MYT1: variants seen among roughly 807,000 people sequenced by gnomAD.
MYT1 encodes the protein myelin transcription factor I.
In MYT1, 23 loss-of-function variants were observed where a neutral mutation model predicts 123.0. The ratio of observed to expected loss-of-function variants is 0.19; its 90% CI spans 0.13 to 0.26. The LOEUF (loss-of-function observed/expected upper bound fraction) is 0.26, where lower values mean the gene tolerates loss of function less well. MYT1 is among the 10% of genes least tolerant of loss of function. MYT1 has a pLI of 1.00. For synonymous variants in MYT1, 518 were observed against 575.3 expected, an observed-to-expected ratio of 0.90 and a Z score of 1.43; for missense variants, 1,125 against 1,472.5, an observed-to-expected ratio of 0.76 and a Z score of 3.86.
At chr20:64,195,492 T>C (rs968202063) in intron 2 of MYT1, among the ~76,000 whole-genome samples, 2 of 148,446 alleles carry the variant, frequency 1.3e-5, no homozygotes, top group African/African-American at 5.0e-5. Flanking sequence ...ACCTCCTGGG[T>C]TCAAGTGATC....
At chr20:64,178,107 A>C (rs938395585) in intron 1 of MYT1, among the ~76,000 whole-genome samples, 2 of 152,206 alleles carry the variant, frequency 1.3e-5, no homozygotes, top group African/African-American at 4.8e-5. Context: ...CTCTCTTCAC[A>C]GAGGCCTCCA....
rs1347323880 is a variant in MYT1, at chr20:64,167,006, T to G, written c.-99+2267T>G. On this transcript the variant is annotated intron_variant, in intron 1 of 22. Transcript: ENST00000328439. The surrounding 1 kb of genome is among the most constrained non-coding windows in gnomAD (Gnocchi z 6.3). ...CTCAGAGACTCACTCCCTTCCTCTC[T>G]GGCCTGGGGTCACTGAATGTGCAGA... 6.6e-6 allele frequency among the ~76,000 whole-genome samples: 1 copy of G among 152,156 alleles called. No individual in the cohort carries two copies. Among genetic ancestry groups the G allele is most frequent in the African/African-American group, 2.4e-5 (1 of 41,440 alleles).
At position 64,213,381 on chromosome 20, in the gene MYT1, A is replaced by G. The variant is rs1377025695; in HGVS notation, c.1518-153A>G. On this transcript the variant is annotated intron_variant, in intron 9 of 22. Transcript: ENST00000328439. The surrounding 1 kb of genome is among the most constrained non-coding windows in gnomAD (Gnocchi z 5.6). ...GAGAAAACCCCTGTCCTGCAGAATG[A>G]CAGGGTTATTCCCGGCTCTGGGCTT... Among the ~76,000 whole-genome samples, 1 of 152,200 alleles carries G rather than the reference A, an allele frequency of 6.6e-6. No homozygotes were observed. The highest frequency in any genetic ancestry group is 6.5e-5 in the Admixed American group (1 of 15,276).
At chr20:64,197,386 C>A (rs977532715) in intron 2 of MYT1, among the ~76,000 whole-genome samples, 4 of 152,172 alleles carry the variant, frequency 2.6e-5, no homozygotes, top group African/African-American at 9.7e-5. Flanking sequence ...GCAAAAGCCC[C>A]ATTTAAGACG....
rs1257842136 is a variant in MYT1, at chr20:64,202,414, C to G, written c.86+2492C>G. Among the ~76,000 whole-genome samples, 1 of 152,124 alleles carries G rather than the reference C, an allele frequency of 6.6e-6. No individual in the cohort carries two copies. Among genetic ancestry groups the G allele is most frequent in the Admixed American group, 6.5e-5 (1 of 15,282 alleles). On this transcript the variant is annotated intron_variant, in intron 4 of 22. Coordinates refer to ENST00000328439, the MANE Select transcript of MYT1 (RefSeq NM_004535.3). This position sits in a 1 kb window ranked among gnomAD's most constrained non-coding sequence, Gnocchi z 5.0. ...GGCCTCAGACTGGCTCTGCCAGAGG[C>G]GAAGACTAGGGAAGGTTAGGGTTGG...
rs532379224 is a variant in MYT1 at position 64,201,255 on chromosome 20, G to A, written c.86+1333G>A. Among the ~76,000 whole-genome samples, 200 of 152,312 alleles carry A rather than the reference G, an allele frequency of 1.3e-3. 1 individual carries two copies. The highest frequency in any genetic ancestry group is 4.7e-3 in the African/African-American group (195 of 41,570). On this transcript the variant is annotated intron_variant, in intron 4 of 22. Transcript: ENST00000328439. The stretch of plus-strand genomic sequence containing the variant: ...GGAAAAGTGACTCTCAAATAGATTT[G>A]TTCGTTTTTAAACATTCTGAGAGGA...
chr20:64,216,841 C>T (rs1320878631), intron 10 of MYT1, among the ~76,000 whole-genome samples: 1 of 152,212 alleles, frequency 6.6e-6, no homozygotes, highest in Non-Finnish European at 1.5e-5. Context: ...TTGCTTCCTC[C>T]CTGCAGGCCA....
chr20:64,182,056 T>A (rs1982669058), intron 1 of MYT1, among the ~76,000 whole-genome samples: 1 of 152,256 alleles, frequency 6.6e-6, no homozygotes, highest in Admixed American at 6.5e-5. Context: ...TAAATTTTTA[T>A]TCTAACCGTT....
At position 64,186,757 on chromosome 20, in the gene MYT1, C is replaced by T. The variant is rs1198296728; in HGVS notation, c.-98-3306C>T. ...CCTCCACGTTTCCGTGGAGAGATTT[C>T]CTGTAGCCCGTGGCCCCGGCATCCA... On this transcript the variant is annotated intron_variant, in intron 1 of 22. Coordinates refer to ENST00000328439, the MANE Select transcript of MYT1 (RefSeq NM_004535.3). This position sits in a 1 kb window ranked among gnomAD's most constrained non-coding sequence, Gnocchi z 4.3. Among the ~76,000 whole-genome samples, 1 of 152,254 alleles carries T rather than the reference C, an allele frequency of 6.6e-6. No individual in the cohort carries two copies. Among genetic ancestry groups the T allele is most frequent in the African/African-American group, 2.4e-5 (1 of 41,456 alleles).
In MYT1 at chr20:64,189,304, T is replaced by C. The variant is rs1326948345; in HGVS notation, c.-98-759T>C. On this transcript the variant is annotated intron_variant, in intron 1 of 22. Transcript: ENST00000328439. The surrounding 1 kb of genome is among the most constrained non-coding windows in gnomAD (Gnocchi z 5.5). ...CTTCCTTTGAAATGCTGCAGTTATG[T>C]AGAAAGCAGGTTGTCATGGAAACGG... 6.6e-6 allele frequency among the ~76,000 whole-genome samples: 1 copy of C among 152,228 alleles called. No homozygotes were observed. Among genetic ancestry groups the C allele is most frequent in the African/African-American group, 2.4e-5 (1 of 41,468 alleles).
chr20:64,177,325 T>G (rs1385512720), intron 1 of MYT1, among the ~76,000 whole-genome samples: 1 of 152,004 alleles, frequency 6.6e-6, no homozygotes, highest in Non-Finnish European at 1.5e-5. Context: ...AAAGCTGGTC[T>G]GCCTTTGCGC....
In MYT1 at chr20:64,193,133, C is replaced by T. The variant is rs1405646800; in HGVS notation, c.-1+2973C>T. On this transcript the variant is annotated intron_variant, in intron 2 of 22. Coordinates refer to ENST00000328439, the MANE Select transcript of MYT1 (RefSeq NM_004535.3). The surrounding 1 kb of genome is among the most constrained non-coding windows in gnomAD (Gnocchi z 4.0). ...GTTGGGAGAATTTCAGAATTTCAGA[C>T]ATGCAACAGGACATCACCCAATGTG... is the stretch of plus-strand genomic sequence containing the variant. Among the ~76,000 whole-genome samples, 1 of 152,174 alleles carries T rather than the reference C, an allele frequency of 6.6e-6. No individual in the cohort carries two copies. The highest frequency in any genetic ancestry group is 1.5e-5 in the Non-Finnish European group (1 of 68,044).
At chr20:64,238,685 G>C (rs755535290) in intron 21 of MYT1, among the ~76,000 whole-genome samples, 2 of 138,318 alleles carry the variant, frequency 1.4e-5, no homozygotes, top group Non-Finnish European at 3.2e-5. Context: ...ACTGTTGTGT[G>C]GGTGTCCATT....
intron 16 of MYT1, among the ~76,000 whole-genome samples, chr20:64,225,550 T>C (rs1984147112): frequency 6.6e-6 from 1 of 152,054 alleles, no homozygotes; most frequent in Admixed American, 6.5e-5. Flanking sequence ...TTGTGCAGGG[T>C]GAAGAATGCC....
At position 64,241,722 on chromosome 20, in the gene MYT1, T is replaced by C. The variant is rs1984722908; in HGVS notation, c.*1274T>C. 2 of 152,658 alleles carry C rather than the reference T, an allele frequency of 1.3e-5. No homozygotes were observed. The highest frequency in any genetic ancestry group is 4.8e-5 in the African/African-American group (2 of 41,472). The allele number at this position is 152,658 out of a possible 1,614,324, so 9.5% of individuals were successfully genotyped here. On this transcript the variant is annotated 3_prime_UTR_variant, in exon 23 of 23. Coordinates refer to ENST00000328439, the MANE Select transcript of MYT1 (RefSeq NM_004535.3). The surrounding 1 kb of genome is among the most constrained non-coding windows in gnomAD (Gnocchi z 4.2). ...TTCAAAGCAAAAATAACTATTTGAC[T>C]ATAATATAGGCCACAAAAAATCTTG...
rs1457179987 is a variant in MYT1, at chr20:64,190,496, A to C, written c.-1+336A>C. ...CAAGACCAGCCTGGCCAACATGGTGAAACCCCGTCTTTACTAAAAACACAA... is the reference window on the plus strand; with the variant it reads ...CAAGACCAGCCTGGCCAACATGGTGCAACCCCGTCTTTACTAAAAACACAA... On this transcript the variant is annotated intron_variant, in intron 2 of 22. Coordinates refer to ENST00000328439, the MANE Select transcript of MYT1 (RefSeq NM_004535.3). The surrounding 1 kb of genome is among the most constrained non-coding windows in gnomAD (Gnocchi z 4.1). Among the ~76,000 whole-genome samples the C allele has an allele frequency of 6.6e-6, 1 of 151,604 alleles. No homozygotes were observed. Among genetic ancestry groups the C allele is most frequent in the Non-Finnish European group, 1.5e-5 (1 of 67,942 alleles).
At position 64,192,809 on chromosome 20, in the gene MYT1, C is replaced by A. The variant is rs1324826238; in HGVS notation, c.-1+2649C>A. On this transcript the variant is annotated intron_variant, in intron 2 of 22. Coordinates refer to ENST00000328439, the MANE Select transcript of MYT1 (RefSeq NM_004535.3). The surrounding 1 kb of genome is among the most constrained non-coding windows in gnomAD (Gnocchi z 5.3). ...AAGGACTACTGGACAGAGGCTCCTG[C>A]AAGGGAAGGAGCTGCCACTGGGTAT... Among the ~76,000 whole-genome samples the A allele has an allele frequency of 1.1e-4, 17 of 152,212 alleles. No individual in the cohort carries two copies. The highest frequency in any genetic ancestry group is 1.1e-3 in the Admixed American group (17 of 15,284).
At chr20:64,216,765 A>C (rs1299413988) in intron 10 of MYT1, among the ~76,000 whole-genome samples, 1 of 152,218 alleles carries the variant, frequency 6.6e-6, no homozygotes, top group African/African-American at 2.4e-5. Context: ...GTTCTGGGGA[A>C]AATCTTAGGC....
rs1023909693 is a variant in MYT1 at position 64,170,926 on chromosome 20, G to C, written c.-99+6187G>C. 2.9e-4 allele frequency among the ~76,000 whole-genome samples: 37 copies of C among 128,368 alleles called. 1 individual carries two copies. The highest frequency in any genetic ancestry group is 9.6e-4 in the African/African-American group (30 of 31,392). 84.2% of individuals were successfully genotyped at this position (128,368 alleles called of 152,430 possible). A position where few individuals can be genotyped will look rare whatever the true frequency, so the allele number is the denominator to read the frequency against. On this transcript the variant is annotated intron_variant, in intron 1 of 22. Coordinates refer to ENST00000328439, the MANE Select transcript of MYT1 (RefSeq NM_004535.3). Reference sequence around the variant, plus strand: ...AGAGAGAGAGAGAGAGAGAGAGAGAGAGAGAGAGACGGAGTCTTGCTCTGT... The same window carrying C: ...AGAGAGAGAGAGAGAGAGAGAGAGACAGAGAGAGACGGAGTCTTGCTCTGT...
Sources: gnomAD v4.1 joint callset for allele counts (sites outside exome capture counted in the v4.1 genomes callset) on GRCh38, gnomAD v4.1.1 for gene constraint, Gnocchi (gnomAD v3.1) non-coding constraint, MANE v1.5 for transcripts, NCBI Gene and HGNC (gene_info 2026-07-23, HGNC 2026-07-21) for gene names.